The following VRK2 variants were observed in gnomAD, a reference collection of about 807,000 sequenced individuals.
The protein encoded by VRK2 is serine/threonine-protein kinase VRK2.
Under a neutral mutation model 57.6 loss-of-function variants are expected in VRK2, and 60 were observed. The ratio of observed to expected loss-of-function variants is 1.04; its 90% CI spans 0.85 to 1.29. The LOEUF (loss-of-function observed/expected upper bound fraction) is 1.29, where lower values mean the gene tolerates loss of function less well. Ranked by LOEUF, VRK2 falls within the 50% of genes most tolerant of loss-of-function variation. The probability of loss-of-function intolerance (pLI) is 0.00; values close to 1 mark genes in which losing one functional copy is unlikely to be tolerated. For missense variants in VRK2, 705 were observed against 588.1 expected (o/e 1.20, Z -2.06); for synonymous variants, 231 against 199.2 (o/e 1.16, Z -1.35).
intron 2 of VRK2, among the ~76,000 whole-genome samples, chr2:58,065,161 TAAAG>T (rs1668445394): frequency 6.6e-6 from 1 of 152,086 alleles, no homozygotes; most frequent in Non-Finnish European, 1.5e-5. Flanking sequence ...TTTATAAAAA[TAAAG>T]AGAAAAAAAT....
rs1680352149 is a variant in VRK2, at chr2:58,137,131, A to AT, written c.856+1933dup. On this transcript the variant is annotated intron_variant, in intron 10 of 12. Transcript: ENST00000340157. ...TAACATATATCATATATGTGTATAT[A>AT]TCATATATCATATATATCATGTGTT... is the stretch of plus-strand genomic sequence containing the variant. Among the ~76,000 whole-genome samples the AT allele has an allele frequency of 7.3e-5, 3 of 40,906 alleles. No homozygotes were observed. In the Admixed American group the frequency reaches 9.7e-4, roughly 13 times the overall value. 26.8% of individuals were successfully genotyped at this position (40,906 alleles called of 152,430 possible).
chr2:57,948,468 C>A (rs1411864808), intron 1 of VRK2, among the ~76,000 whole-genome samples: 2 of 152,126 alleles, frequency 1.3e-5, no homozygotes, highest in Non-Finnish European at 2.9e-5. Flanking sequence ...GTATCCAGTT[C>A]TGCAGGCATG....
intron 1 of VRK2, among the ~76,000 whole-genome samples, chr2:57,963,070 T>C (rs1306654442): frequency 2.0e-5 from 3 of 152,184 alleles, no homozygotes; most frequent in Admixed American, 6.5e-5. Flanking sequence ...AGAATTTGAA[T>C]AGATAATCTC....
chr2:57,957,626 T>TTC (rs1042886214), intron 1 of VRK2, among the ~76,000 whole-genome samples: 2 of 139,748 alleles, frequency 1.4e-5, no homozygotes, highest in African/African-American at 5.7e-5. Flanking sequence ...TTATATATAT[T>TTC]TCTATATATA....
intron 1 of VRK2, among the ~76,000 whole-genome samples, chr2:57,946,767 T>A (rs897697066): frequency 6.6e-6 from 1 of 152,152 alleles, no homozygotes; most frequent in Non-Finnish European, 1.5e-5. Context: ...CAACCAAATT[T>A]ATGAGCCTTC....
chr2:58,092,411 C>T (rs1672507992), intron 7 of VRK2, among the ~76,000 whole-genome samples: 1 of 152,138 alleles, frequency 6.6e-6, no homozygotes, highest in Non-Finnish European at 1.5e-5. Flanking sequence ...TTTCTGTTCA[C>T]CTGTTGATGG....
chr2:58,065,818 A>G lies in VRK2; in HGVS notation c.136+16851A>G, dbSNP rs376839148. ...GTAGTTATTAGCATACTAGTCCTAT[A>G]CATGTATTGTTGGGTATATATTGAT... On this transcript the variant is annotated intron_variant, in intron 2 of 12. Coordinates refer to ENST00000340157, the MANE Select transcript of VRK2 (RefSeq NM_006296.7). Among the ~76,000 whole-genome samples, 5 of 152,210 alleles carry G rather than the reference A, an allele frequency of 3.3e-5. 1 individual carries two copies. The highest frequency in any genetic ancestry group is 1.2e-4 in the African/African-American group (5 of 41,542).
chr2:57,914,251 T>G (rs895647154), intron 1 of VRK2, among the ~76,000 whole-genome samples: 3 of 72,842 alleles, frequency 4.1e-5, no homozygotes, highest in East Asian at 5.5e-4. Context: ...TAACCTTACT[T>G]TTTTTTTTTT....
intron 4 of VRK2, 38 bp downstream of exon 4, chr2:58,084,988 G>A (rs769467371): frequency 3.9e-6 from 6 of 1,526,532 alleles, no homozygotes; most frequent in Non-Finnish European, 4.4e-6. Context: ...TTCCATATAT[G>A]TGCTTGCTAA....
intron 1 of VRK2, among the ~76,000 whole-genome samples, chr2:57,986,235 A>G (rs1672589445): frequency 6.6e-6 from 1 of 152,088 alleles, no homozygotes; most frequent in South Asian, 2.1e-4. Context: ...AAAAAAGAAT[A>G]CCTACATAAG....
chr2:58,096,028 G>A (rs922713021), intron 7 of VRK2, among the ~76,000 whole-genome samples: 1 of 152,006 alleles, frequency 6.6e-6, no homozygotes, highest in Non-Finnish European at 1.5e-5. Context: ...TTTTTTCAGA[G>A]TCTTGTTTAA....
chr2:58,046,806 C>T lies in VRK2; in HGVS notation c.-68C>T, dbSNP rs1046058458. The stretch of plus-strand genomic sequence containing the variant: ...GGGACTGTAGGCCCGGGGGCTCCGC[C>T]TCGTCGCAGCGGCAGGTAGGAGGCG... On this transcript the variant is annotated 5_prime_UTR_variant, in exon 1 of 13. Transcript: ENST00000340157. 6 of 985,538 alleles carry T rather than the reference C, an allele frequency of 6.1e-6. No homozygotes were observed. Among genetic ancestry groups the T allele is most frequent in the African/African-American group, 1.7e-5 (1 of 57,258 alleles). The allele number at this position is 985,538 out of a possible 1,614,324, so 61.0% of individuals were successfully genotyped here.
chr2:57,912,704 C>G (rs1670026908), intron 1 of VRK2, among the ~76,000 whole-genome samples: 2 of 152,150 alleles, frequency 1.3e-5, no homozygotes, highest in Non-Finnish European at 2.9e-5. Flanking sequence ...AGCCAAATAG[C>G]TTCTGGTATG....
In VRK2 at chr2:58,103,455, T is replaced by C. The variant is rs576773541; in HGVS notation, c.543+13732T>C. Among the ~76,000 whole-genome samples the C allele has an allele frequency of 2.0e-5, 3 of 151,646 alleles. No individual in the cohort carries two copies. The South Asian group carries it at 6.2e-4, about 32-fold the overall frequency. On this transcript the variant is annotated intron_variant, in intron 7 of 12. Coordinates refer to ENST00000340157, the MANE Select transcript of VRK2 (RefSeq NM_006296.7). ...GAAATGCAAGAGATCATCAGAGACT[T>C]CTGTGAACAACTATATGCTTATAAA...
chr2:58,118,289 A>G (rs1167279983), intron 7 of VRK2, among the ~76,000 whole-genome samples: 1 of 152,238 alleles, frequency 6.6e-6, no homozygotes, highest in Non-Finnish European at 1.5e-5. Flanking sequence ...GCGTGGTCTG[A>G]CACCTTTGAA....
At chr2:57,965,967 T>G (rs539096840) in intron 1 of VRK2, among the ~76,000 whole-genome samples, 1 of 152,354 alleles carries the variant, frequency 6.6e-6, no homozygotes, top group South Asian at 2.1e-4. Flanking sequence ...CACTCCTTTT[T>G]AAGTATTTTC....
intron 1 of VRK2, among the ~76,000 whole-genome samples, chr2:57,946,820 G>C (rs59913344): frequency 0.1 from 15,955 of 152,060 alleles, 999 homozygotes; most frequent in African/African-American, 0.16. Context: ...TCAAAGGCGA[G>C]ATTCATGTGT....
intron 1 of VRK2, among the ~76,000 whole-genome samples, chr2:57,995,741 A>G (rs1297240919): frequency 2.0e-5 from 3 of 152,216 alleles, no homozygotes; most frequent in South Asian, 2.1e-4. Flanking sequence ...AATCAAAATA[A>G]TAAGTGTTAC....
At chr2:58,008,822 TAAG>T (rs987517206) in intron 1 of VRK2, among the ~76,000 whole-genome samples, 3 of 152,116 alleles carry the variant, frequency 2.0e-5, no homozygotes, top group Non-Finnish European at 2.9e-5. Flanking sequence ...CTGGGTAATT[TAAG>T]AAGAACACAG....
Sources: allele counts gnomAD v4.1 joint callset (sites outside exome capture counted in the v4.1 genomes callset), GRCh38; gene constraint gnomAD v4.1.1; transcripts MANE v1.5; gene names NCBI Gene and HGNC (gene_info 2026-07-23, HGNC 2026-07-21).